SORCS3: variants seen among roughly 807,000 people sequenced by gnomAD.
SORCS3 encodes the protein sortilin related VPS10 domain containing receptor 3.
In SORCS3, 57 loss-of-function variants were observed where a neutral mutation model predicts 146.3. The observed-to-expected ratio is 0.39, with a 90% CI of 0.31 to 0.49. SORCS3 has a LOEUF of 0.49. Among genes scored for constraint, SORCS3 ranks in the 20% least tolerant of loss-of-function variants. The pLI, the probability that SORCS3 is intolerant of heterozygous loss-of-function variation, is 0.92. For synonymous variants in SORCS3, 653 were observed against 618.5 expected (o/e 1.06, Z -0.83); for missense variants, 1,341 against 1,575.5 (o/e 0.85, Z 2.52).
chr10:105,097,553 A>G (rs1228834118), intron 6 of SORCS3, among the ~76,000 whole-genome samples: 2 of 152,238 alleles, frequency 1.3e-5, no homozygotes, highest in Non-Finnish European at 2.9e-5. Context: ...TGGAGAACTA[A>G]CTGTCATTTA....
intron 1 of SORCS3, among the ~76,000 whole-genome samples, chr10:104,710,947 T>C (rs989004257): frequency 1.3e-5 from 2 of 152,182 alleles, no homozygotes; most frequent in African/African-American, 4.8e-5. Flanking sequence ...GAACAAAATG[T>C]TGGGAGATTA....
chr10:105,214,277 C>T (rs2056651518), intron 17 of SORCS3, among the ~76,000 whole-genome samples, 165 bp from the exon 18 acceptor site: 1 of 152,140 alleles, frequency 6.6e-6, no homozygotes, highest in South Asian at 2.1e-4. Context: ...TGTTCAGCTT[C>T]GTAAATGACT....
chr10:104,947,270 G>GA (rs2019381631), intron 3 of SORCS3, among the ~76,000 whole-genome samples: 1 of 152,148 alleles, frequency 6.6e-6, no homozygotes, highest in African/African-American at 2.4e-5. Context: ...CTATGGCAGT[G>GA]AAAGCAGGGT....
intron 2 of SORCS3, among the ~76,000 whole-genome samples, chr10:104,855,146 T>C (rs1236979905): frequency 2.6e-5 from 4 of 152,242 alleles, no homozygotes; most frequent in South Asian, 2.1e-4. Flanking sequence ...TACATATTTA[T>C]ATGGGACTGT....
At chr10:104,817,485 T>C (rs1589510379) in intron 1 of SORCS3, among the ~76,000 whole-genome samples, 1 of 68,028 alleles carries the variant, frequency 1.5e-5, no homozygotes, top group Non-Finnish European at 3.0e-5. Context: ...CCTCTCCTTC[T>C]CCCTCCTCTC....
intron 3 of SORCS3, among the ~76,000 whole-genome samples, chr10:104,943,643 ACT>A (rs1203712018): frequency 6.6e-6 from 1 of 151,946 alleles, no homozygotes; most frequent in African/African-American, 2.4e-5. Flanking sequence ...ATTTCCCCCC[ACT>A]CTCATCTATT....
intron 3 of SORCS3, among the ~76,000 whole-genome samples, chr10:104,962,114 C>T (rs184302194): frequency 1.3e-5 from 2 of 151,810 alleles, no homozygotes; most frequent in Non-Finnish European, 2.9e-5. Flanking sequence ...CTTGGAAGAC[C>T]GAGATCATTC....
At chr10:104,891,788 C>T (rs557696368) in intron 2 of SORCS3, among the ~76,000 whole-genome samples, 41 of 152,244 alleles carry the variant, frequency 2.7e-4, no homozygotes, top group Non-Finnish European at 1.3e-4. Context: ...CTAAGGTTTG[C>T]TGAACCAGAT....
intron 4 of SORCS3, among the ~76,000 whole-genome samples, chr10:104,980,225 T>C (rs2054924488): frequency 1.3e-5 from 2 of 152,230 alleles, no homozygotes; most frequent in Admixed American, 6.5e-5. Flanking sequence ...ATTCCTTAGG[T>C]ACTCTTTCTT....
In SORCS3 at chr10:104,797,954, GA is replaced by G. The variant is rs772121399; in HGVS notation, c.628-44837del. ...CTACTGAATTAGCATTTTTGAGAGT[GA>G]GGCCTCATCATAAGTCTAACAAGCC... On this transcript the variant is annotated intron_variant, in intron 1 of 26. Coordinates refer to ENST00000369701, the MANE Select transcript of SORCS3 (RefSeq NM_014978.3). 2.6e-4 allele frequency among the ~76,000 whole-genome samples: 39 copies of G among 152,198 alleles called. 1 individual carries two copies. Among genetic ancestry groups the G allele is most frequent in the Admixed American group, 2.0e-3 (30 of 15,276 alleles).
intron 7 of SORCS3, among the ~76,000 whole-genome samples, chr10:105,121,988 G>T (rs2055937031): frequency 6.6e-6 from 1 of 152,114 alleles, no homozygotes; most frequent in Non-Finnish European, 1.5e-5. Flanking sequence ...GTTGAGTCAT[G>T]ACCTCACTGA....
chr10:104,902,880 A>G (rs1020775963), intron 2 of SORCS3, among the ~76,000 whole-genome samples: 39 of 152,146 alleles, frequency 2.6e-4, no homozygotes, highest in Admixed American at 2.4e-3. Context: ...TAGGTAGGAG[A>G]GCAGGAATTC....
At chr10:104,947,513 G>C (rs972835403) in intron 3 of SORCS3, among the ~76,000 whole-genome samples, 13 of 152,172 alleles carry the variant, frequency 8.5e-5, no homozygotes, top group Admixed American at 7.9e-4. Flanking sequence ...GGGCTGCGAG[G>C]CTGACCGGTG....
At chr10:105,164,269 C>A (rs1408865529) in intron 11 of SORCS3, 34 bp from the exon 12 acceptor site, 2 of 1,559,212 alleles carry the variant, frequency 1.3e-6, no homozygotes, top group South Asian at 2.2e-5. Context: ...TTGGTAAACT[C>A]CTGACAATCT....
At chr10:104,701,963 A>G (rs1292104778) in intron 1 of SORCS3, among the ~76,000 whole-genome samples, 1 of 152,142 alleles carries the variant, frequency 6.6e-6, no homozygotes, top group Non-Finnish European at 1.5e-5. Flanking sequence ...AAAAGGGCAT[A>G]TTGTAAATAT....
intron 7 of SORCS3, among the ~76,000 whole-genome samples, chr10:105,131,609 A>G (rs2056019485): frequency 6.6e-6 from 1 of 152,170 alleles, no homozygotes; most frequent in Non-Finnish European, 1.5e-5. Flanking sequence ...TTGCATTGTT[A>G]TAAATACCTG....
chr10:104,659,792 A>T (rs2133246662), intron 1 of SORCS3, among the ~76,000 whole-genome samples: 1 of 152,302 alleles, frequency 6.6e-6, no homozygotes, highest in Middle Eastern at 3.4e-3. Flanking sequence ...GGTTATTGTT[A>T]GATAAGAGGT....
chr10:104,815,931 A>G (rs111874746), intron 1 of SORCS3, among the ~76,000 whole-genome samples: 2,683 of 152,322 alleles, frequency 0.018, 95 homozygotes, highest in African/African-American at 0.058. Flanking sequence ...TATAGAATCT[A>G]TCATAGAATA....
chr10:105,156,079 C>T (rs2056206312), intron 9 of SORCS3, among the ~76,000 whole-genome samples: 1 of 152,174 alleles, frequency 6.6e-6, no homozygotes, highest in African/African-American at 2.4e-5. Context: ...GTGAGTAAAC[C>T]TCAGTTAACC....
Sources: allele counts gnomAD v4.1 joint callset (sites outside exome capture counted in the v4.1 genomes callset), GRCh38; gene constraint gnomAD v4.1.1; transcripts MANE v1.5; gene names NCBI Gene and HGNC (gene_info 2026-07-23, HGNC 2026-07-21).